The following RRAGB variants were observed in gnomAD, a reference collection of about 807,000 sequenced individuals.
RRAGB encodes the protein Ras related GTP binding B.
A neutral mutation model predicts 29.3 loss-of-function variants in RRAGB; 6 were observed. The observed-to-expected ratio is 0.21, with a 90% CI of 0.11 to 0.40. The LOEUF is 0.40. Ranked by LOEUF, RRAGB falls within the 10% of genes least tolerant of loss-of-function variation. The probability of loss-of-function intolerance (pLI) is 1.00; values close to 1 mark genes in which losing one functional copy is unlikely to be tolerated. For synonymous variants in RRAGB, 101 were observed against 92.5 expected (o/e 1.09, Z -0.53); for missense variants, 184 against 272.9 (o/e 0.67, Z 2.29).
chrX:55,757,415 T>A, intron 9 of RRAGB, 84 bp downstream of exon 9: 2 of 467,485 alleles, frequency 4.3e-6, no homozygotes, highest in Admixed American at 3.3e-5. Flanking sequence ...ATTAGATACT[T>A]AAAAGCTATT....
intron 6 of RRAGB, among the ~76,000 whole-genome samples, chrX:55,752,051 A>G (rs757141910): frequency 1.8e-5 from 2 of 108,519 alleles, no homozygotes; most frequent in African/African-American, 6.7e-5. Flanking sequence ...CAGAAACCTG[A>G]TGTGGCAAGG....
chrX:55,726,117 A>G (rs1311041946), intron 3 of RRAGB, among the ~76,000 whole-genome samples: 2 of 100,528 alleles, frequency 2.0e-5, no homozygotes, highest in Non-Finnish European at 4.1e-5. Flanking sequence ...CAGAAGAGCG[A>G]TATTTTACAG....
chrX:55,748,067 G>A (rs915493738), intron 5 of RRAGB, among the ~76,000 whole-genome samples: 4 of 112,642 alleles, frequency 3.6e-5, no homozygotes, highest in African/African-American at 9.7e-5. Context: ...ACAGGGTTTC[G>A]CTGTGTTGGC....
chrX:55,749,010 G>T (rs1355708767), intron 5 of RRAGB, among the ~76,000 whole-genome samples: 2 of 97,929 alleles, frequency 2.0e-5, no homozygotes, highest in Non-Finnish European at 4.2e-5. Flanking sequence ...GGAGGGAGGT[G>T]GGGGGGTCAG....
At chrX:55,724,553 G>C (rs1048749348) in intron 3 of RRAGB, among the ~76,000 whole-genome samples, 25 of 111,527 alleles carry the variant, frequency 2.2e-4, no homozygotes, top group African/African-American at 8.1e-4. Context: ...GGCCTGTCAT[G>C]CCTCTATAAT....
intron 5 of RRAGB, among the ~76,000 whole-genome samples, chrX:55,741,651 C>T (rs771672654): frequency 7.2e-5 from 8 of 111,279 alleles, no homozygotes; most frequent in South Asian, 3.8e-4. Context: ...TGTATGTGCG[C>T]GTGCATAGAA....
intron 3 of RRAGB, among the ~76,000 whole-genome samples, chrX:55,726,574 A>G (rs1209119500): frequency 9.0e-6 from 1 of 111,078 alleles, no homozygotes; most frequent in Non-Finnish European, 1.9e-5. Context: ...GATAGTGGAT[A>G]TGGTGAGAAG....
chrX:55,732,949 G>GTT, intron 5 of RRAGB, among the ~76,000 whole-genome samples: 1 of 109,235 alleles, frequency 9.2e-6, no homozygotes, highest in South Asian at 3.9e-4. Flanking sequence ...ATTTTGTGGG[G>GTT]TTTTTTTTTA....
chrX:55,727,588 A>C (rs754861695), intron 3 of RRAGB, among the ~76,000 whole-genome samples: 2 of 111,672 alleles, frequency 1.8e-5, no homozygotes, highest in African/African-American at 6.5e-5. Context: ...AGCTTAAGTG[A>C]CTTGCCCAAG....
intron 4 of RRAGB, among the ~76,000 whole-genome samples, chrX:55,729,566 G>A (rs184114915): frequency 1.7e-3 from 189 of 111,384 alleles, no homozygotes; most frequent in Middle Eastern, 9.2e-3. Context: ...TTTAAATAGC[G>A]CTAATCCAAG....
chrX:55,745,984 T>C (rs1462369956), intron 5 of RRAGB, among the ~76,000 whole-genome samples: 2 of 111,527 alleles, frequency 1.8e-5, no homozygotes, highest in South Asian at 3.8e-4. Flanking sequence ...ATTTCAGAGC[T>C]AATGCTCAGT....
chrX:55,718,797 C>G (rs1192055634), intron 1 of RRAGB, among the ~76,000 whole-genome samples: 3 of 111,272 alleles, frequency 2.7e-5, no homozygotes, highest in African/African-American at 9.8e-5. Flanking sequence ...CAATTTGTAC[C>G]TGAATTTGAG....
intron 5 of RRAGB, among the ~76,000 whole-genome samples, chrX:55,745,754 G>A (rs1431657240): frequency 6.2e-5 from 7 of 112,144 alleles, no homozygotes; most frequent in African/African-American, 2.3e-4. Context: ...GCACTCCACA[G>A]GTCAAGAGAC....
At chrX:55,742,224 A>G (rs2034105303) in intron 5 of RRAGB, among the ~76,000 whole-genome samples, 1 of 112,603 alleles carries the variant, frequency 8.9e-6, no homozygotes, top group Admixed American at 9.3e-5. Context: ...TACTCATGAC[A>G]ATTGCAATTC....
intron 5 of RRAGB, among the ~76,000 whole-genome samples, chrX:55,740,475 T>G (rs1488123935): frequency 8.9e-6 from 1 of 112,108 alleles, no homozygotes; most frequent in Non-Finnish European, 1.9e-5. Context: ...AGCACAAAAA[T>G]CCGTGCTTTG....
At chrX:55,731,318 G>T (rs750284151) in intron 4 of RRAGB, 46 bp from the exon 5 acceptor site, 12 of 971,247 alleles carry the variant, frequency 1.2e-5, no homozygotes, top group Non-Finnish European at 1.7e-5. Context: ...AAGTAGGAGT[G>T]ATTGAATTGA....
intron 5 of RRAGB, among the ~76,000 whole-genome samples, chrX:55,744,487 G>A (rs930528451): frequency 2.8e-5 from 3 of 107,016 alleles, no homozygotes; most frequent in African/African-American, 1.0e-4. Context: ...CATATATACC[G>A]CTTTAATTTG....
intron 3 of RRAGB, among the ~76,000 whole-genome samples, chrX:55,722,743 A>G (rs894654842): frequency 7.6e-4 from 85 of 112,118 alleles, no homozygotes; most frequent in African/African-American, 2.1e-3. Context: ...GTACTCTGCT[A>G]CTTCTTTTCC....
At chrX:55,722,393 T>A in intron 3 of RRAGB, 108 bp downstream of exon 3, 2 of 457,977 alleles carry the variant, frequency 4.4e-6, no homozygotes. Flanking sequence ...GGGGAATTTG[T>A]TATGGAGCAT....
Sources: allele counts gnomAD v4.1 joint callset (sites outside exome capture counted in the v4.1 genomes callset), GRCh38; gene constraint gnomAD v4.1.1; transcripts MANE v1.5; gene names NCBI Gene and HGNC (gene_info 2026-07-23, HGNC 2026-07-21).